SEPTIN9: variants seen among roughly 807,000 people sequenced by gnomAD.
SEPTIN9 encodes septin 9.
A neutral mutation model predicts 56.6 loss-of-function variants in SEPTIN9; 13 were observed. The ratio of observed to expected loss-of-function variants is 0.23; its 90% CI spans 0.15 to 0.37. The LOEUF (loss-of-function observed/expected upper bound fraction) is 0.37. SEPTIN9 is among the 10% of genes least tolerant of loss of function. The pLI, the probability that SEPTIN9 is intolerant of heterozygous loss-of-function variation, is 1.00. For missense variants in SEPTIN9, 650 were observed against 823.1 expected, an observed-to-expected ratio of 0.79 and a Z score of 2.57; for synonymous variants, 332 against 334.1, an observed-to-expected ratio of 0.99 and a Z score of 0.07.
intron 3 of SEPTIN9, among the ~76,000 whole-genome samples, chr17:77,452,130 G>A (rs571273139): frequency 9.8e-5 from 15 of 152,352 alleles, no homozygotes; most frequent in African/African-American, 3.4e-4. Context: ...GAGGAGCGGG[G>A]AGGGAGGGTG....
chr17:77,343,040 T>TCTATAA (rs1350572081), intron 2 of SEPTIN9, among the ~76,000 whole-genome samples: 2 of 147,290 alleles, frequency 1.4e-5, no homozygotes, highest in African/African-American at 5.0e-5. Flanking sequence ...TATCTATCTA[T>TCTATAA]CTAGTCTCTG....
intron 2 of SEPTIN9, among the ~76,000 whole-genome samples, chr17:77,392,437 G>C (rs1598300301): frequency 6.6e-6 from 1 of 152,216 alleles, no homozygotes; most frequent in Non-Finnish European, 1.5e-5. Context: ...AGTGGAAATG[G>C]TTCTTTTCCT....
intron 2 of SEPTIN9, among the ~76,000 whole-genome samples, chr17:77,355,894 A>G (rs943834658): frequency 2.0e-5 from 3 of 147,768 alleles, no homozygotes; most frequent in Non-Finnish European, 4.5e-5. Flanking sequence ...AGGCAGGAGA[A>G]TGGCGTGAAC....
At chr17:77,491,494 C>G (rs34435896) in intron 8 of SEPTIN9, among the ~76,000 whole-genome samples, 81,028 of 150,640 alleles carry the variant, frequency 0.54, 22,564 homozygotes, top group African/African-American at 0.69. Context: ...CACCTCACCT[C>G]GCCCTGCCTG....
intron 1 of SEPTIN9, among the ~76,000 whole-genome samples, chr17:77,295,534 G>C (rs115288123): frequency 1.6e-4 from 24 of 152,278 alleles, no homozygotes; most frequent in African/African-American, 5.5e-4. Flanking sequence ...CAAGCCTCTC[G>C]TTGGTTGAAC....
At chr17:77,283,893 C>T (rs1239571903) in intron 1 of SEPTIN9, among the ~76,000 whole-genome samples, 1 of 152,218 alleles carries the variant, frequency 6.6e-6, no homozygotes, top group African/African-American at 2.4e-5. Context: ...AGAGAACTTA[C>T]ATTCTCACCG....
intron 2 of SEPTIN9, among the ~76,000 whole-genome samples, chr17:77,331,662 C>T (rs1447564780): frequency 6.6e-6 from 1 of 152,150 alleles, no homozygotes; most frequent in East Asian, 1.9e-4. Flanking sequence ...GCAGAGGCTG[C>T]CTGGGTGTAG....
chr17:77,405,061 C>T lies in SEPTIN9; in HGVS notation c.721+2358C>T. The T allele has an allele frequency of 2.0e-6, 3 of 1,533,480 alleles. No homozygotes were observed. The highest frequency in any genetic ancestry group is 1.2e-5 in the South Asian group (1 of 83,852). 95.0% of individuals were successfully genotyped at this position (1,533,480 alleles called of 1,614,324 possible). ...GTCAAACAGGATGTGGCTGGGGAGG[C>T]GGTTGTCACCGAGCCATCTAAATCT... On this transcript the variant is annotated intron_variant, in intron 3 of 11. Transcript: ENST00000427177. This position sits in a 1 kb window ranked among gnomAD's most constrained non-coding sequence, Gnocchi z 5.8.
At chr17:77,473,542 T>C (rs1368332591) in intron 3 of SEPTIN9, among the ~76,000 whole-genome samples, 2 of 152,156 alleles carry the variant, frequency 1.3e-5, no homozygotes, top group Non-Finnish European at 2.9e-5. Context: ...TAGGGATTCT[T>C]TGATGAACCG....
At chr17:77,292,373 C>A (rs762093490) in intron 1 of SEPTIN9, among the ~76,000 whole-genome samples, 3 of 152,210 alleles carry the variant, frequency 2.0e-5, no homozygotes, top group African/African-American at 7.2e-5. Context: ...AACGCATCTA[C>A]CCCTTTGGTG....
At chr17:77,460,795 C>T (rs1426436890) in intron 3 of SEPTIN9, among the ~76,000 whole-genome samples, 2 of 152,108 alleles carry the variant, frequency 1.3e-5, no homozygotes, top group East Asian at 1.9e-4. Flanking sequence ...AGTGGGGTGC[C>T]GAGTGGGGTG....
At chr17:77,302,041 C>G (rs1188783270) in intron 1 of SEPTIN9, among the ~76,000 whole-genome samples, 1 of 152,112 alleles carries the variant, frequency 6.6e-6, no homozygotes, top group Admixed American at 6.6e-5. Context: ...TTTGAGAAGG[C>G]GGGTGTGGTG....
At chr17:77,477,887 C>T (rs993634391) in intron 3 of SEPTIN9, among the ~76,000 whole-genome samples, 3 of 152,060 alleles carry the variant, frequency 2.0e-5, no homozygotes, top group Admixed American at 6.6e-5. Flanking sequence ...TCTGGATACC[C>T]GAAAGAATGG....
At chr17:77,404,227 T>A (rs312858) in intron 3 of SEPTIN9, among the ~76,000 whole-genome samples, 8 of 152,152 alleles carry the variant, frequency 5.3e-5, no homozygotes, top group Middle Eastern at 6.8e-3. Flanking sequence ...TCTAAGTCCC[T>A]CTTTCCATCT....
chr17:77,423,156 C>T (rs1301144030), intron 3 of SEPTIN9, among the ~76,000 whole-genome samples: 2 of 152,174 alleles, frequency 1.3e-5, no homozygotes, highest in African/African-American at 2.4e-5. Flanking sequence ...CTGTCTCAGC[C>T]TCCTGAGTAG....
chr17:77,500,091 C>T lies in SEPTIN9; in HGVS notation c.*1433C>T, dbSNP rs41282099. 9.4e-5 allele frequency: 22 copies of T among 233,618 alleles called. No individual in the cohort carries two copies. The highest frequency in any genetic ancestry group is 1.4e-4 in the Non-Finnish European group (17 of 118,410). 14.5% of individuals were successfully genotyped at this position (233,618 alleles called of 1,614,324 possible). ...GGCCTGATGAGACTCCACTCAGGTG[C>T]ACACATCACCAGGTGCATCTGCAGG... On this transcript the variant is annotated 3_prime_UTR_variant, in exon 12 of 12. Transcript: ENST00000427177.
intron 3 of SEPTIN9, among the ~76,000 whole-genome samples, chr17:77,438,503 G>A (rs1292358584): frequency 6.6e-6 from 1 of 152,216 alleles, no homozygotes; most frequent in African/African-American, 2.4e-5. Flanking sequence ...AAAATAGGGA[G>A]ATGATCCTGG....
At chr17:77,377,819 G>A (rs1022244260) in intron 2 of SEPTIN9, among the ~76,000 whole-genome samples, 1 of 152,196 alleles carries the variant, frequency 6.6e-6, no homozygotes, top group Non-Finnish European at 1.5e-5. Context: ...TAGGCCTCTT[G>A]CGTGATGAAC....
chr17:77,371,344 T>G lies in SEPTIN9; in HGVS notation c.77-30715T>G, dbSNP rs978687380. 6.6e-6 allele frequency among the ~76,000 whole-genome samples: 1 copy of G among 152,208 alleles called. No individual in the cohort carries two copies. Among genetic ancestry groups the G allele is most frequent in the Non-Finnish European group, 1.5e-5 (1 of 68,046 alleles). ...GCGGCGCTCCCCAGGGAACTAAATATGTTTGCTGCACTGTGCGTGGAGATG... is the reference window on the plus strand; with the variant it reads ...GCGGCGCTCCCCAGGGAACTAAATAGGTTTGCTGCACTGTGCGTGGAGATG... On this transcript the variant is annotated intron_variant, in intron 2 of 11. Coordinates refer to ENST00000427177, the MANE Select transcript of SEPTIN9 (RefSeq NM_001113491.2). The surrounding 1 kb of genome is among the most constrained non-coding windows in gnomAD (Gnocchi z 4.1).
Sources: gnomAD v4.1 joint callset for allele counts (sites outside exome capture counted in the v4.1 genomes callset) on GRCh38, gnomAD v4.1.1 for gene constraint, Gnocchi (gnomAD v3.1) non-coding constraint, MANE v1.5 for transcripts, NCBI Gene and HGNC (gene_info 2026-07-23, HGNC 2026-07-21) for gene names.